The following RABGAP1 variants were observed in gnomAD, a reference collection of about 807,000 sequenced individuals.
RABGAP1 encodes the protein RAB GTPase activating protein 1.
In RABGAP1, 23 loss-of-function variants were observed where a neutral mutation model predicts 137.6. The ratio of observed to expected loss-of-function variants is 0.17; its 90% CI spans 0.12 to 0.24. The LOEUF (loss-of-function observed/expected upper bound fraction) is 0.24, where lower values mean the gene tolerates loss of function less well. Among genes scored for constraint, RABGAP1 ranks in the 10% least tolerant of loss-of-function variants. RABGAP1 has a pLI of 1.00. For missense variants in RABGAP1, 906 were observed against 1,275.8 expected (o/e 0.71, Z 4.42); for synonymous variants, 451 against 450.7 (o/e 1.00, Z -0.01).
At chr9:123,039,292 T>A (rs1455283377) in intron 13 of RABGAP1, among the ~76,000 whole-genome samples, 4 of 152,142 alleles carry the variant, frequency 2.6e-5, no homozygotes, top group Non-Finnish European at 5.9e-5. Context: ...TTGCTTTGAT[T>A]TACTTCCTTC....
At chr9:123,099,119 C>T (rs907542136) in intron 23 of RABGAP1, among the ~76,000 whole-genome samples, 3 of 152,186 alleles carry the variant, frequency 2.0e-5, no homozygotes, top group South Asian at 2.1e-4. Flanking sequence ...CTTTTGTTTA[C>T]GTGTAGTTTT....
intron 13 of RABGAP1, among the ~76,000 whole-genome samples, chr9:123,053,919 A>G (rs1418438884): frequency 1.3e-5 from 2 of 152,214 alleles, no homozygotes; most frequent in Non-Finnish European, 2.9e-5. Context: ...AGGGTTTCCT[A>G]CAGTTCCCAG....
In RABGAP1 at chr9:123,090,383, A is replaced by G; in HGVS notation, c.2626A>G (p.Asn876Asp). The G allele has an allele frequency of 1.9e-6, 3 of 1,605,098 alleles. No homozygotes were observed. Among genetic ancestry groups the G allele is most frequent in the Non-Finnish European group, 2.6e-6 (3 of 1,173,398 alleles). ...SKIALRKDLD[N>D]AEEKADALNK... ...GATTGCACTACGGAAGGACCTGGAT[A>G]ACGTAAGTCCAACGGGTCTGAAGGG... Residue 876 changes from asparagine to aspartate, a missense_variant and splice_region_variant, in exon 21 of 26, where the codon AAC (asparagine) becomes GAC (aspartate). Around this residue, in one of 9 missense-constraint regions of RABGAP1, gnomAD observed 193 missense variants for 248.1 expected, o/e 0.78. Transcript: ENST00000373647.
intron 4 of RABGAP1, among the ~76,000 whole-genome samples, chr9:122,988,114 A>G (rs932734526): frequency 3.3e-5 from 5 of 152,200 alleles, no homozygotes; most frequent in African/African-American, 1.2e-4. Flanking sequence ...TCATTTCTAT[A>G]TGTTTCTTAG....
At chr9:123,020,058 T>A (rs1168801913) in intron 12 of RABGAP1, among the ~76,000 whole-genome samples, 8 of 151,508 alleles carry the variant, frequency 5.3e-5, no homozygotes, top group Admixed American at 6.6e-5. Flanking sequence ...TTTTTTTTTT[T>A]AAAGTAGAGA....
chr9:123,074,268 T>C lies in RABGAP1; in HGVS notation c.2110-17T>C, dbSNP rs767700558. 3 of 1,613,298 alleles carry C rather than the reference T, an allele frequency of 1.9e-6. No individual in the cohort carries two copies. Among genetic ancestry groups the C allele is most frequent in the Non-Finnish European group, 1.7e-6 (2 of 1,179,630 alleles). ...CAGATGCATATGTGCCCAGAACTAA[T>C]TGGTTTGCTATTTCAGGAATACATT... On this transcript the variant is annotated splice_polypyrimidine_tract_variant and intron_variant, in intron 16 of 25. Coordinates refer to ENST00000373647, the MANE Select transcript of RABGAP1 (RefSeq NM_012197.4).
chr9:123,023,928 G>T (rs1196375670), intron 13 of RABGAP1, among the ~76,000 whole-genome samples: 5 of 151,962 alleles, frequency 3.3e-5, no homozygotes, highest in Non-Finnish European at 5.9e-5. Flanking sequence ...AGGAAAGAGT[G>T]ACTTGATTTA....
intron 10 of RABGAP1, among the ~76,000 whole-genome samples, chr9:123,004,089 A>G (rs1025203533): frequency 9.2e-5 from 14 of 152,382 alleles, no homozygotes; most frequent in Non-Finnish European, 1.5e-4. Flanking sequence ...AGATAAAAAT[A>G]TACAAATGCT....
intron 13 of RABGAP1, among the ~76,000 whole-genome samples, chr9:123,038,643 T>G (rs545396738): frequency 2.6e-4 from 39 of 152,244 alleles, no homozygotes; most frequent in Middle Eastern, 3.4e-3. Context: ...ATGGGAAAAC[T>G]GTGGCATTGA....
intron 13 of RABGAP1, among the ~76,000 whole-genome samples, chr9:123,057,125 C>CCGGA (rs2033743424): frequency 1.3e-5 from 2 of 150,588 alleles, no homozygotes; most frequent in Admixed American, 1.3e-4. Flanking sequence ...CACCTCCCTC[C>CCGGA]CGGACGGGGC....
chr9:123,015,332 A>G (rs1166233906), intron 11 of RABGAP1, among the ~76,000 whole-genome samples: 1 of 126,514 alleles, frequency 7.9e-6, no homozygotes, highest in East Asian at 2.2e-4. Context: ...TTATGGACCT[A>G]TGTGGAAAAC....
At chr9:122,942,277 G>A (rs1833624625) in intron 1 of RABGAP1, among the ~76,000 whole-genome samples, 1 of 152,210 alleles carries the variant, frequency 6.6e-6, no homozygotes, top group African/African-American at 2.4e-5. Flanking sequence ...ACTAAGGAGG[G>A]TTCATCCAAC....
intron 11 of RABGAP1, among the ~76,000 whole-genome samples, chr9:123,011,597 C>T (rs747162094): frequency 1.3e-5 from 2 of 152,188 alleles, no homozygotes; most frequent in Non-Finnish European, 2.9e-5. Context: ...CCACTAATTA[C>T]TGTGCTTAAT....
chr9:122,980,582 A>C (rs1049405611), intron 2 of RABGAP1, among the ~76,000 whole-genome samples: 6 of 152,210 alleles, frequency 3.9e-5, no homozygotes, highest in Admixed American at 1.3e-4. Flanking sequence ...CAGTTTCTTT[A>C]CATCTGAAAG....
chr9:123,079,263 AG>A (rs1436622548), intron 19 of RABGAP1, among the ~76,000 whole-genome samples: 1 of 134,836 alleles, frequency 7.4e-6, no homozygotes, highest in African/African-American at 2.8e-5. Context: ...TTTTTGAGAC[AG>A]GGTCTCGCTT....
rs1442499576 is a variant in RABGAP1 at position 122,956,981 on chromosome 9, A to G, written c.-49-30A>G. 3.4e-6 allele frequency: 4 copies of G among 1,162,622 alleles called. No homozygotes were observed. In the African/African-American group the frequency reaches 4.6e-5, roughly 13 times the overall value. The allele number at this position is 1,162,622 out of a possible 1,614,324, so 72.0% of individuals were successfully genotyped here. A position where few individuals can be genotyped will look rare whatever the true frequency, so the allele number is the denominator to read the frequency against. ...ATTGAATATCTGGCAGACATTCTAT[A>G]TGAGTATCTTTATGGTTTTTGTTTT... is the stretch of plus-strand genomic sequence containing the variant. On this transcript the variant is annotated intron_variant, in intron 1 of 25. Transcript: ENST00000373647.
chr9:122,973,214 G>T (rs1472056278), intron 2 of RABGAP1, among the ~76,000 whole-genome samples: 1 of 152,084 alleles, frequency 6.6e-6, no homozygotes, highest in East Asian at 1.9e-4. Context: ...TGATGAACTA[G>T]TGTTTCTTAT....
intron 21 of RABGAP1, among the ~76,000 whole-genome samples, chr9:123,091,326 C>T (rs1483371427): frequency 2.6e-5 from 4 of 152,174 alleles, no homozygotes; most frequent in Non-Finnish European, 5.9e-5. Flanking sequence ...TCAGGATGTC[C>T]TTGACATCCA....
intron 12 of RABGAP1, among the ~76,000 whole-genome samples, chr9:123,019,646 G>A (rs975869381): frequency 2.0e-5 from 3 of 150,828 alleles, no homozygotes; most frequent in African/African-American, 7.3e-5. Context: ...CTAGGTTCTT[G>A]TCATTTATTA....
Sources: gnomAD v4.1 joint callset for allele counts (sites outside exome capture counted in the v4.1 genomes callset) on GRCh38, gnomAD v4.1.1 for gene constraint, gnomAD v4.1.1 regional missense constraint, MANE v1.5 for transcripts, NCBI Gene and HGNC (gene_info 2026-07-23, HGNC 2026-07-21) for gene names.